Variants in PKD1 observed in about 807,000 individuals in gnomAD.
PKD1 encodes the protein polycystin 1, transient receptor potential channel interacting, also known as polycystin-1.
A neutral mutation model predicts 361.7 loss-of-function variants in PKD1; 81 were observed. The observed-to-expected ratio is 0.22, with a 90% CI of 0.19 to 0.27. The LOEUF (loss-of-function observed/expected upper bound fraction) is 0.27. Among genes scored for constraint, PKD1 ranks in the 10% least tolerant of loss-of-function variants. The probability of loss-of-function intolerance (pLI) is 1.00; values close to 1 mark genes in which losing one functional copy is unlikely to be tolerated. For synonymous variants in PKD1, 3,615 were observed against 2,818.3 expected (o/e 1.28, Z -8.95); for missense variants, 6,399 against 6,118.3 (o/e 1.05, Z -1.53).
At chr16:2,116,686 A>G (rs771912892) in intron 7 of PKD1, 42 bp from the exon 8 acceptor site, 241 of 1,251,598 alleles carry the variant, frequency 1.9e-4, no homozygotes, top group Non-Finnish European at 5.4e-5. Context: ...GCCAGGGCCC[A>G]GGACACCAGG....
At position 2,119,290 on chromosome 16, in the gene PKD1, G is replaced by A. The variant is rs1243738891; in HGVS notation, c.287+17C>T. 2.9e-5 allele frequency: 32 copies of A among 1,089,980 alleles called. No individual in the cohort carries two copies. The highest frequency in any genetic ancestry group is 3.6e-5 in the Non-Finnish European group (27 of 740,798). The allele number at this position is 1,089,980 out of a possible 1,614,324, so 67.5% of individuals were successfully genotyped here. A position where few individuals can be genotyped will look rare whatever the true frequency, so the allele number is the denominator to read the frequency against. ...CGGAGTGAGCCCCGCATGCTGGCAC[G>A]ACTGGGGGACACTCACAGCTCTGCC... is the stretch of plus-strand genomic sequence containing the variant. On this transcript the variant is annotated intron_variant, in intron 2 of 45. Transcript: ENST00000262304.
chr16:2,107,690 G>A lies in PKD1; in HGVS notation c.7065+193C>T, dbSNP rs115557412. ...GCCACTAGAGCATATGTGGCTTGAA[G>A]ACTGTACGTGGAACTGTGGCAGGTT... On this transcript the variant is annotated intron_variant, in intron 16 of 45. Transcript: ENST00000262304. The A allele has an allele frequency of 2.2e-3, 1,440 of 653,604 alleles. 14 individuals are homozygous for A. The African/African-American group carries it at 0.022, about 10-fold the overall frequency. The allele number at this position is 653,604 out of a possible 1,614,324, so 40.5% of individuals were successfully genotyped here.
intron 1 of PKD1, among the ~76,000 whole-genome samples, chr16:2,129,273 C>T (rs562644232): frequency 2.6e-5 from 4 of 151,536 alleles, no homozygotes; most frequent in Admixed American, 6.6e-5. Context: ...AATCCTCCCC[C>T]CTCAGCCTCC....
In PKD1 at chr16:2,091,049, C is replaced by A; in HGVS notation, c.11838G>T (p.Ala3946=). The A allele has an allele frequency of 1.3e-6, 2 of 1,524,136 alleles. No homozygotes were observed. Among genetic ancestry groups the A allele is most frequent in the Non-Finnish European group, 8.8e-7 (1 of 1,141,072 alleles). 94.4% of individuals were successfully genotyped at this position (1,524,136 alleles called of 1,614,324 possible). The change falls in exon 43 of 46, where the codon GCG becomes GCT. Residue 3946 remains alanine (A), a synonymous_variant. Coordinates refer to ENST00000262304, the MANE Select transcript of PKD1 (RefSeq NM_001009944.3). ...WARWLLVALT[A]ATALVRLAQL... ...GGGCGAGGCGTACCAGTGCCGTGGC[C>A]GCCGTCAGCGCCACCAGCAGCCACC... is the stretch of plus-strand genomic sequence containing the variant.
At chr16:2,093,259 C>T (rs2091682965) in intron 37 of PKD1, 166 bp from the exon 38 acceptor site, 1 of 807,414 alleles carries the variant, frequency 1.2e-6, no homozygotes, top group African/African-American at 1.7e-5. Context: ...AGCACACACC[C>T]TGCCCGGAAC....
chr16:2,115,224 G>A (rs1273453170), intron 10 of PKD1, 154 bp downstream of exon 10: 70 of 567,354 alleles, frequency 1.2e-4, no homozygotes, highest in Non-Finnish European at 1.5e-4. Flanking sequence ...GGAGAGGGCC[G>A]AGGGCACTGC....
In PKD1 at chr16:2,091,888, G is replaced by T. The variant is rs1294173027; in HGVS notation, c.11430C>A (p.Ser3810=). The part of the protein sequence containing the change: ...PDLLGAWSWG[S]CAVYDSGGYV... Reference sequence around the variant, plus strand: ...AGCCCCCGCTGTCATACACGGCACAGGAGCCCCAGGACCATGCCCTGCCGG... The same window carrying T: ...AGCCCCCGCTGTCATACACGGCACATGAGCCCCAGGACCATGCCCTGCCGG... Residue 3810 remains serine, a synonymous_variant, in exon 41 of 46, where the codon TCC becomes TCA. Transcript: ENST00000262304. 2 of 1,611,444 alleles carry T rather than the reference G, an allele frequency of 1.2e-6. No individual in the cohort carries two copies. The highest frequency in any genetic ancestry group is 1.7e-5 in the Admixed American group (1 of 59,934).
rs1404642536 is a variant in PKD1, at chr16:2,115,474, A to G, written c.2001T>C (p.Asn667=). The G allele has an allele frequency of 6.2e-7, 1 of 1,602,280 alleles. No homozygotes were observed. The highest frequency in any genetic ancestry group is 1.3e-5 in the African/African-American group (1 of 74,616). ...DASCHPQACA[N]GCTSGPGLPG... Reference sequence around the variant, plus strand: ...GTAGCCCTGGCCCTGACGTGCAGCCATTGGCGCAGGCCTGGGGGTGGCAGG... The same window carrying G: ...GTAGCCCTGGCCCTGACGTGCAGCCGTTGGCGCAGGCCTGGGGGTGGCAGG... The change falls in exon 10 of 46, where the codon AAT becomes AAC. Residue 667 remains asparagine (N), a synonymous_variant. Transcript: ENST00000262304.
intron 7 of PKD1, 26 bp from the exon 8 acceptor site, chr16:2,116,670 C>T (rs750736747): frequency 2.8e-5 from 38 of 1,371,106 alleles, no homozygotes; most frequent in Admixed American, 3.9e-5. Flanking sequence ...CACAGTGAGG[C>T]GCCGGGCCAG....
At position 2,090,487 on chromosome 16, in the gene PKD1, T is replaced by A; in HGVS notation, c.12242A>T (p.His4081Leu). 6.2e-7 allele frequency: 1 copy of A among 1,611,924 alleles called. No homozygotes were observed. Among genetic ancestry groups the A allele is most frequent in the Non-Finnish European group, 8.5e-7 (1 of 1,179,664 alleles). Residue 4081 changes from histidine (H) to leucine (L), a missense_variant, in exon 45 of 46, where the codon CAC becomes CTC. Coordinates refer to ENST00000262304, the MANE Select transcript of PKD1 (RefSeq NM_001009944.3). ...CCCCACACACAGCAGGGGTGACAGG[T>A]GCCAGGACTCGGCAGGACACAGGGT... Reference protein sequence around the residue: ...LSTLCPAESWHLSPLLCVGLW... With the variant: ...LSTLCPAESWLLSPLLCVGLW...
Position 2,103,861 on chromosome 16 carries a change from C to T in PKD1, c.8196G>A (p.Arg2732=). 6.2e-7 allele frequency: 1 copy of T among 1,603,568 alleles called. No individual in the cohort carries two copies. Among genetic ancestry groups the T allele is most frequent in the South Asian group, 1.1e-5 (1 of 90,378 alleles). Residue 2732 remains arginine, a synonymous_variant, in exon 23 of 46, where the codon CGG becomes CGA. Transcript: ENST00000262304. ...DLIHLASSDV[R]APQPSELGAE... is the part of the protein sequence containing the mutation. ...CTCCCAGCTCTGAGGGCTGTGGTGC[C>T]CGCACGTCCGAGCTGGCCAGGTGGA...
rs1247555362 is a variant in PKD1, at chr16:2,111,755, G to A, written c.3412C>T (p.Leu1138=). Reference sequence around the variant, plus strand: ...AAGGTGACGGGCCGGCCGGCCACCAGGACGCCGTCACTCACACCCACAGCC... The same window carrying A: ...AAGGTGACGGGCCGGCCGGCCACCAAGACGCCGTCACTCACACCCACAGCC... ...SVAVGVSDGV[L]VAGRPVTFYP... The change falls in exon 15 of 46, where the codon CTG becomes TTG. Residue 1138 remains leucine (L), a synonymous_variant. Coordinates refer to ENST00000262304, the MANE Select transcript of PKD1 (RefSeq NM_001009944.3). The A allele has an allele frequency of 1.2e-6, 2 of 1,603,710 alleles. No homozygotes were observed. Among genetic ancestry groups the A allele is most frequent in the South Asian group, 1.1e-5 (1 of 90,060 alleles).
rs777423670 is a variant in PKD1 at position 2,102,624 on chromosome 16, G to C, written c.8958C>G (p.Asp2986Glu). The change falls in exon 25 of 46, where the codon GAC becomes GAG. Residue 2986 changes from aspartate (D) to glutamate (E), a missense_variant. Transcript: ENST00000262304. ...YTFFISPGSR[D>E]PAGSYHLNLS... ...GGTTCAGATGGTAACTCCCCGCTGG[G>C]TCTCTGCTCCTGGGCAGGGAAGGGG... The C allele has an allele frequency of 6.2e-7, 1 of 1,610,886 alleles. No individual in the cohort carries two copies. The highest frequency in any genetic ancestry group is 8.5e-7 in the Non-Finnish European group (1 of 1,179,798).
rs1200898465 is a variant in PKD1, at chr16:2,113,228, T to C, written c.2918A>G (p.Gln973Arg). Residue 973 changes from glutamine to arginine, a missense_variant, in exon 12 of 46, where the codon CAG (glutamine) becomes CGG (arginine). Gln to Arg is a conservative substitution (Grantham distance 43). Transcript: ENST00000262304. ...GACCACGTTCTGGAAGGTCAGGGAC[T>C]GCTTGTCGTTGATGGTCCACCGGAA... is the stretch of plus-strand genomic sequence containing the variant. The part of the protein sequence containing the change: ...MVFRWTINDK[Q>R]SLTFQNVVFN... 5 of 1,427,394 alleles carry C rather than the reference T, an allele frequency of 3.5e-6. No homozygotes were observed. Among genetic ancestry groups the C allele is most frequent in the Admixed American group, 3.4e-5 (2 of 59,522 alleles). 88.4% of individuals were successfully genotyped at this position (1,427,394 alleles called of 1,614,324 possible). A position where few individuals can be genotyped will look rare whatever the true frequency, so the allele number is the denominator to read the frequency against.
At position 2,092,499 on chromosome 16, in the gene PKD1, C is replaced by T. The variant is rs1448087026; in HGVS notation, c.11250G>A (p.Arg3750=). ...GCTCACCTTCCTGCAGCCGCACCTG[C>T]CGCAGCCGTGGGGGCCCCAGCTCTG... ...SSPELGPPRL[R]QVRLQEALYP... is the part of the protein sequence containing the mutation. Residue 3750 remains arginine, a synonymous_variant, in exon 39 of 46, where the codon CGG becomes CGA. Transcript: ENST00000262304. 1.9e-6 allele frequency: 3 copies of T among 1,610,452 alleles called. No homozygotes were observed. The East Asian group carries it at 6.7e-5, about 36-fold the overall frequency.
chr16:2,128,765 T>A (rs1424348668), intron 1 of PKD1, among the ~76,000 whole-genome samples: 1 of 151,742 alleles, frequency 6.6e-6, no homozygotes, highest in Non-Finnish European at 1.5e-5. Flanking sequence ...AGTGCAATGG[T>A]GCAATCTTGC....
chr16:2,107,363 A>G (rs2092376656), intron 16 of PKD1: 4 of 369,294 alleles, frequency 1.1e-5, no homozygotes, highest in Middle Eastern at 9.3e-4. Flanking sequence ...ACCTGCTCCC[A>G]CACCCTCCCC....
intron 21 of PKD1, 95 bp downstream of exon 21, chr16:2,105,227 C>G: frequency 3.2e-6 from 4 of 1,243,214 alleles, no homozygotes; most frequent in Non-Finnish European, 4.5e-6. Flanking sequence ...GCTGGAGGCT[C>G]AGCTCCTCGG....
Position 2,111,224 on chromosome 16 carries a change from C to T in PKD1, c.3943G>A (p.Ala1315Thr), listed in dbSNP as rs763937646. Reference protein sequence around the residue: ...IPTQPDARLTAYVTGNPAHYL... With the variant: ...IPTQPDARLTTYVTGNPAHYL... ...TGGGCCGGGTTCCCGGTGACGTAGG[C>T]CGTGAGCCGCGCGTCAGGCTGCGTG... The change falls in exon 15 of 46, where the codon GCC (alanine) becomes ACC (threonine). Residue 1315 changes from alanine to threonine, a missense_variant. Physicochemically the swap from Ala to Thr is moderately conservative, Grantham distance 58. Transcript: ENST00000262304. The T allele has an allele frequency of 3.7e-6, 6 of 1,611,106 alleles. No individual in the cohort carries two copies. The highest frequency in any genetic ancestry group is 8.5e-7 in the Non-Finnish European group (1 of 1,179,656).
Sources: gnomAD v4.1 joint callset for allele counts (sites outside exome capture counted in the v4.1 genomes callset) on GRCh38, gnomAD v4.1.1 for gene constraint, MANE v1.5 for transcripts, NCBI Gene and HGNC (gene_info 2026-07-23, HGNC 2026-07-21) for gene names.